PDE10A: variants seen among roughly 807,000 people sequenced by gnomAD.
PDE10A encodes the protein cAMP and cAMP-inhibited cGMP 3',5'-cyclic phosphodiesterase 10A.
A neutral mutation model predicts 97.7 loss-of-function variants in PDE10A; 39 were observed. The observed-to-expected ratio is 0.40, with a 90% CI of 0.31 to 0.52. PDE10A has a LOEUF of 0.52. Among genes scored for constraint, PDE10A ranks in the 20% least tolerant of loss-of-function variants. The pLI, the probability that PDE10A is intolerant of heterozygous loss-of-function variation, is 0.56. For synonymous variants in PDE10A, 371 were observed against 376.8 expected (o/e 0.98, Z 0.18); for missense variants, 731 against 1,047.8 (o/e 0.70, Z 4.17).
intron 1 of PDE10A, among the ~76,000 whole-genome samples, chr6:165,889,980 C>A (rs370012078): frequency 0.035 from 1,869 of 54,024 alleles, 365 homozygotes; most frequent in East Asian, 0.14. Context: ...CTCCTCCATC[C>A]CTCACTCCTC....
chr6:165,412,559 C>T (rs1675371432), intron 13 of PDE10A, among the ~76,000 whole-genome samples: 1 of 152,140 alleles, frequency 6.6e-6, no homozygotes, highest in African/African-American at 2.4e-5. Context: ...CAGAAACTGT[C>T]CCCCAAAAGG....
At chr6:165,600,452 C>A (rs189884961) in intron 1 of PDE10A, among the ~76,000 whole-genome samples, 1 of 152,346 alleles carries the variant, frequency 6.6e-6, no homozygotes, top group African/African-American at 2.4e-5. Context: ...GTTCAAGAAA[C>A]CAAATTGTGT....
intron 1 of PDE10A, among the ~76,000 whole-genome samples, chr6:165,858,169 A>G (rs750276412): frequency 6.6e-5 from 10 of 152,158 alleles, no homozygotes; most frequent in Non-Finnish European, 1.0e-4. Flanking sequence ...TCATATTTTA[A>G]ATTTCATTCA....
intron 1 of PDE10A, among the ~76,000 whole-genome samples, chr6:165,912,461 T>A (rs1429780710): frequency 6.6e-6 from 1 of 152,240 alleles, no homozygotes; most frequent in Admixed American, 6.5e-5. Context: ...CTCCACCTTC[T>A]TGCTTCAGCC....
intron 1 of PDE10A, among the ~76,000 whole-genome samples, chr6:165,762,237 C>A (rs528354440): frequency 6.6e-6 from 1 of 152,318 alleles, no homozygotes; most frequent in South Asian, 2.1e-4. Flanking sequence ...CTGTGTAAAC[C>A]CGATTTTAGT....
At chr6:165,583,373 A>G (rs929468090) in intron 1 of PDE10A, among the ~76,000 whole-genome samples, 7 of 152,216 alleles carry the variant, frequency 4.6e-5, no homozygotes, top group African/African-American at 1.7e-4. Context: ...ATACTCCAGG[A>G]GGCCAAAAAT....
Position 165,823,524 on chromosome 6 carries a change from A to ATATATATATATATATATATATATATG in PDE10A, c.-615+164004_-615+164005insCATATATATATATATATATATATATA, listed in dbSNP as rs72442429. 5.0e-5 allele frequency among the ~76,000 whole-genome samples: 4 copies of ATATATATATATATATATATATATATG among 79,492 alleles called. 1 individual carries two copies. The highest frequency in any genetic ancestry group is 1.1e-4 in the Non-Finnish European group (4 of 36,134). The allele number at this position is 79,492 out of a possible 152,430, so 52.1% of individuals were successfully genotyped here. A position where few individuals can be genotyped will look rare whatever the true frequency, so the allele number is the denominator to read the frequency against. The stretch of plus-strand genomic sequence containing the variant: ...TATATATATATATATATATATATAT[A>ATATATATATATATATATATATATATG]TGAACCTTAATTATAAATATTATAT... On this transcript the variant is annotated intron_variant, in intron 1 of 19. Transcript: ENST00000366882.
chr6:165,762,285 C>G (rs1490814938), intron 1 of PDE10A, among the ~76,000 whole-genome samples: 2 of 152,332 alleles, frequency 1.3e-5, no homozygotes, highest in East Asian at 1.9e-4. Flanking sequence ...TCTCCCATCT[C>G]TTTGCCTTCA....
intron 1 of PDE10A, among the ~76,000 whole-genome samples, chr6:165,740,837 A>G (rs1297450416): frequency 6.6e-6 from 1 of 152,174 alleles, no homozygotes; most frequent in Non-Finnish European, 1.5e-5. Flanking sequence ...AGTCTCATGG[A>G]AGTAGAGAGT....
At chr6:165,374,518 C>G (rs1273580380) in intron 18 of PDE10A, among the ~76,000 whole-genome samples, 1 of 151,652 alleles carries the variant, frequency 6.6e-6, no homozygotes, top group Non-Finnish European at 1.5e-5. Flanking sequence ...AATAAATACA[C>G]AGAAGTAAGA....
intron 18 of PDE10A, among the ~76,000 whole-genome samples, chr6:165,361,883 G>A (rs1359336512): frequency 1.3e-5 from 2 of 152,124 alleles, no homozygotes; most frequent in African/African-American, 4.8e-5. Context: ...ATTGTTTTAA[G>A]CCATCTGGTT....
At chr6:165,621,279 C>G (rs1309688656) in intron 1 of PDE10A, among the ~76,000 whole-genome samples, 1 of 149,206 alleles carries the variant, frequency 6.7e-6, no homozygotes, top group Non-Finnish European at 1.5e-5. Context: ...TGAATCCTCA[C>G]CTAGCAAATT....
At position 165,919,620 on chromosome 6, in the gene PDE10A, G is replaced by A. The variant is rs116350865; in HGVS notation, c.-615+67909C>T. Among the ~76,000 whole-genome samples, 1,144 of 152,122 alleles carry A rather than the reference G, an allele frequency of 7.5e-3. 14 individuals are homozygous for A. Among genetic ancestry groups the A allele is most frequent in the African/African-American group, 0.024 (1,011 of 41,486 alleles). Reference sequence around the variant, plus strand: ...CCTTTCCTTTCTTTTTCTATTTACAGCCCTTTGAGCATATAAAAAACATTC... The same window carrying A: ...CCTTTCCTTTCTTTTTCTATTTACAACCCTTTGAGCATATAAAAAACATTC... On this transcript the variant is annotated intron_variant, in intron 1 of 19. Transcript: ENST00000366882.
intron 1 of PDE10A, among the ~76,000 whole-genome samples, chr6:165,881,398 T>C (rs944531954): frequency 8.1e-5 from 9 of 111,722 alleles, no homozygotes; most frequent in African/African-American, 2.3e-4. Context: ...TTTTCTTTTT[T>C]TTTTTTTTTT....
chr6:165,709,478 C>A lies in PDE10A; in HGVS notation c.-614-165910G>T, dbSNP rs139208321. ...CCCATGCTTTTGGGCTCCCTCCACTCTCCACCCCCATGCTCCCGCGCTCCC... is the reference window on the plus strand; with the variant it reads ...CCCATGCTTTTGGGCTCCCTCCACTATCCACCCCCATGCTCCCGCGCTCCC... On this transcript the variant is annotated intron_variant, in intron 1 of 19. Coordinates refer to the PDE10A transcript ENST00000366882. 3.0e-3 allele frequency among the ~76,000 whole-genome samples: 397 copies of A among 132,912 alleles called. 10 individuals are homozygous for A. The highest frequency in any genetic ancestry group is 0.011 in the African/African-American group (368 of 33,316). The allele number at this position is 132,912 out of a possible 152,430, so 87.2% of individuals were successfully genotyped here.
chr6:165,496,843 T>C (rs1368490052), intron 2 of PDE10A, among the ~76,000 whole-genome samples: 1 of 152,232 alleles, frequency 6.6e-6, no homozygotes, highest in African/African-American at 2.4e-5. Flanking sequence ...TGTCTAACTA[T>C]TAAATACAGT....
intron 1 of PDE10A, among the ~76,000 whole-genome samples, chr6:165,763,499 T>A (rs1255849248): frequency 6.6e-6 from 1 of 152,132 alleles, no homozygotes; most frequent in Non-Finnish European, 1.5e-5. Flanking sequence ...ATTTTTGTAT[T>A]TTTAGTGGAG....
chr6:165,675,936 G>C (rs1277319050), intron 1 of PDE10A, among the ~76,000 whole-genome samples: 1 of 152,170 alleles, frequency 6.6e-6, no homozygotes, highest in Non-Finnish European at 1.5e-5. Flanking sequence ...ACCTAAACTT[G>C]TATGTTTATT....
intron 3 of PDE10A, among the ~76,000 whole-genome samples, chr6:165,461,906 A>C (rs1050474170): frequency 4.6e-5 from 7 of 152,242 alleles, no homozygotes; most frequent in Admixed American, 2.0e-4. Flanking sequence ...GTTAATCCTC[A>C]AGGACTGGAA....
Sources: allele counts gnomAD v4.1 joint callset (sites outside exome capture counted in the v4.1 genomes callset), GRCh38; gene constraint gnomAD v4.1.1; transcripts MANE v1.5; gene names NCBI Gene and HGNC (gene_info 2026-07-23, HGNC 2026-07-21).